ERI2: variants seen among roughly 807,000 people sequenced by gnomAD.
The protein encoded by ERI2 is ERI1 exoribonuclease 2.
ERI2 carries 35 observed loss-of-function variants against 46.8 expected under a neutral mutation model. The ratio of observed to expected loss-of-function variants is 0.75; its 90% CI spans 0.57 to 0.99. The LOEUF is 0.99. ERI2 is among the 50% of genes least tolerant of loss of function. The pLI is 0.00. For missense variants in ERI2, 695 were observed against 796.2 expected (o/e 0.87, Z 1.53); for synonymous variants, 224 against 271.0 (o/e 0.83, Z 1.70).
At chr16:20,787,715 A>C (rs943352926) in intron 10 of ERI2, among the ~76,000 whole-genome samples, 8 of 152,348 alleles carry the variant, frequency 5.3e-5, no homozygotes, top group African/African-American at 1.9e-4. Flanking sequence ...ACCTGGTCTC[A>C]AGATAGGATA....
In ERI2 at chr16:20,798,497, C is replaced by T. The variant is rs2080759936; in HGVS notation, c.1303G>A (p.Glu435Lys). The T allele has an allele frequency of 1.9e-6, 3 of 1,551,556 alleles. No individual in the cohort carries two copies. The highest frequency in any genetic ancestry group is 2.6e-6 in the Non-Finnish European group (3 of 1,146,872). ...CTTTCTCCAGAATTAAATGAAATCT[C>T]TAAGTCTGAGTCACTAATGGGAACT... Reference protein sequence around the residue: ...CTVPISDSDLEISFNSGERLM... With the variant: ...CTVPISDSDLKISFNSGERLM... The change falls in exon 9 of 9, where the codon GAG becomes AAG. Residue 435 changes from glutamate (E) to lysine (K), a missense_variant. Glu to Lys is a moderately conservative substitution (Grantham distance 56). Transcript: ENST00000357967.
rs373750780 is a variant in ERI2, at chr16:20,798,680, C to T, written c.1120G>A (p.Gly374Ser). The T allele has an allele frequency of 6.4e-7, 1 of 1,551,656 alleles. No individual in the cohort carries two copies. Among genetic ancestry groups the T allele is most frequent in the African/African-American group, 1.4e-5 (1 of 73,148 alleles). ...FNTKSKASTV[G>S]SELVLVSTTV... ...GTAGAAACAAGTACCAATTCTGAACCAACTGTTGAAGCCTTAGATTTGGTA... is the reference window on the plus strand; with the variant it reads ...GTAGAAACAAGTACCAATTCTGAACTAACTGTTGAAGCCTTAGATTTGGTA... Residue 374 changes from glycine to serine, a missense_variant, in exon 9 of 9, where the codon GGT becomes AGT. Gly to Ser is a moderately conservative substitution (Grantham distance 56, BLOSUM62 0). Coordinates refer to ENST00000357967, the MANE Select transcript of ERI2 (RefSeq NM_001142725.2).
intron 5 of ERI2, chr16:20,800,664 A>G: frequency 3.5e-6 from 1 of 287,744 alleles, no homozygotes; most frequent in Non-Finnish European, 6.4e-6. Flanking sequence ...AATTACAAGG[A>G]CTATATTTTC....
At chr16:20,784,208 A>G (rs1021312567) in intron 10 of ERI2, among the ~76,000 whole-genome samples, 1 of 152,204 alleles carries the variant, frequency 6.6e-6, no homozygotes, top group Admixed American at 6.5e-5. Context: ...GTTGTGCAAT[A>G]TGGTAGCCAC....
chr16:20,794,785 G>A (rs2080684520), downstream of ERI2, among the ~76,000 whole-genome samples: 1 of 152,158 alleles, frequency 6.6e-6, no homozygotes, highest in South Asian at 2.1e-4. Flanking sequence ...GGCACAAAGA[G>A]ATTACCTAAC....
At chr16:20,805,213 G>A (rs559678265) in intron 1 of ERI2, among the ~76,000 whole-genome samples, 1 of 152,192 alleles carries the variant, frequency 6.6e-6, no homozygotes, top group East Asian at 1.9e-4. Context: ...ATCACCTGAG[G>A]TCGGGAGTTC....
At chr16:20,786,334 A>G in intron 10 of ERI2, 2 of 1,308,456 alleles carry the variant, frequency 1.5e-6, no homozygotes, top group Non-Finnish European at 1.0e-6. Flanking sequence ...CTTGGTCTCC[A>G]TTATTTTGCA....
In ERI2 at chr16:20,796,566, A is replaced by C; in HGVS notation, c.*1158T>G. On this transcript the variant is annotated 3_prime_UTR_variant, in exon 9 of 9. Coordinates refer to ENST00000357967, the MANE Select transcript of ERI2 (RefSeq NM_001142725.2). ...AGTGTTTATTTTTACATTTTAATGA[A>C]TATTTTCTTCACACATGCTGCACCA... is the stretch of plus-strand genomic sequence containing the variant. The C allele has an allele frequency of 1.9e-6, 3 of 1,587,308 alleles. No homozygotes were observed. Among genetic ancestry groups the C allele is most frequent in the Non-Finnish European group, 1.7e-6 (2 of 1,173,278 alleles).
chr16:20,797,957 G>T lies in ERI2; in HGVS notation c.1843C>A (p.His615Asn). The change falls in exon 9 of 9, where the codon CAT becomes AAT. Residue 615 changes from histidine (H) to asparagine (N), a missense_variant. By Grantham distance (68) the His-to-Asn change is moderately conservative (BLOSUM62 1). Coordinates refer to ENST00000357967, the MANE Select transcript of ERI2 (RefSeq NM_001142725.2). Reference sequence around the variant, plus strand: ...GGGCAACAATAGAAGACTTTTCCATGGTTCGGTCCATTATTAGAAACAACA... The same window carrying T: ...GGGCAACAATAGAAGACTTTTCCATTGTTCGGTCCATTATTAGAAACAACA... ...RLVVSNNGPN[H>N]GKVFYCCPIG... 1.3e-6 allele frequency: 2 copies of T among 1,551,878 alleles called. No individual in the cohort carries two copies. The highest frequency in any genetic ancestry group is 8.7e-7 in the Non-Finnish European group (1 of 1,146,962).
In ERI2 at chr16:20,800,416, A is replaced by G. The variant is rs1014462725; in HGVS notation, c.461-14T>C. The G allele has an allele frequency of 1.3e-6, 2 of 1,516,390 alleles. No homozygotes were observed. The highest frequency in any genetic ancestry group is 1.4e-5 in the African/African-American group (1 of 72,496). The allele number at this position is 1,516,390 out of a possible 1,614,324, so 93.9% of individuals were successfully genotyped here. On this transcript the variant is annotated splice_polypyrimidine_tract_variant and intron_variant, in intron 5 of 8. Transcript: ENST00000357967. ...CCAAGTCCCAGTCTGCATTAGGTAC[A>G]TTAAAATAGAACAAAGTCAATGATG...
chr16:20,803,072 G>A (rs1050210737), intron 3 of ERI2, 149 bp from the exon 4 acceptor site: 2 of 795,218 alleles, frequency 2.5e-6, no homozygotes, highest in South Asian at 3.9e-5. Flanking sequence ...GTGACATAAA[G>A]GTTATAATAA....
At chr16:20,789,444 G>A (rs2080544852) in intron 10 of ERI2, 1 of 1,455,724 alleles carries the variant, frequency 6.9e-7, no homozygotes, top group Non-Finnish European at 9.6e-7. Flanking sequence ...GAGGATTGGA[G>A]AGAGGGTAAG....
rs561605227 is a variant in ERI2 at position 20,790,476 on chromosome 16, T to A, written c.815+374A>T. 9.2e-6 allele frequency: 10 copies of A among 1,092,516 alleles called. No individual in the cohort carries two copies. The Admixed American group carries it at 1.7e-4, about 19-fold the overall frequency. 67.7% of individuals were successfully genotyped at this position (1,092,516 alleles called of 1,614,324 possible). On this transcript the variant is annotated intron_variant, in intron 9 of 10. Coordinates refer to the ERI2 transcript ENST00000300005. This position sits in a 1 kb window ranked among gnomAD's most constrained non-coding sequence, Gnocchi z 4.0. The stretch of plus-strand genomic sequence containing the variant: ...TGTCTCACACACACAAAATTTTTTT[T>A]AAGTCTTCATTTTTAAATGGCAAAA...
At position 20,801,226 on chromosome 16, in the gene ERI2, A is replaced by C; in HGVS notation, c.437T>G (p.Leu146Ter). Residue 146 changes from leucine to a stop codon, truncating the protein, a stop_gained, in exon 5 of 9, where the codon TTA becomes TGA. Coordinates refer to ENST00000357967, the MANE Select transcript of ERI2 (RefSeq NM_001142725.2). LOFTEE classifies it high-confidence loss of function. ...ISEPSASEVK[L>*]CAFVTWSDWD... ...ACCTGACCAAGTAACAAATGCACATAATTTTACTTCAGAAGCAGAAGGCTC... is the reference window on the plus strand; with the variant it reads ...ACCTGACCAAGTAACAAATGCACATCATTTTACTTCAGAAGCAGAAGGCTC... 1 of 1,611,694 alleles carries C rather than the reference A, an allele frequency of 6.2e-7. No individual in the cohort carries two copies. The highest frequency in any genetic ancestry group is 8.5e-7 in the Non-Finnish European group (1 of 1,179,150).
At chr16:20,795,409 T>A (rs1364030319), downstream of ERI2, among the ~76,000 whole-genome samples, 7 of 152,178 alleles carry the variant, frequency 4.6e-5, no homozygotes, top group Non-Finnish European at 7.3e-5. Context: ...TGTGAAAAAA[T>A]TATAACTTCA....
chr16:20,785,069 G>A (rs950479891), intron 10 of ERI2: 7 of 1,613,490 alleles, frequency 4.3e-6, no homozygotes, highest in Admixed American at 1.7e-5. Flanking sequence ...AAACAAGACG[G>A]GCCTGGATAT....
chr16:20,791,700 G>A (rs1490836788), downstream of ERI2, among the ~76,000 whole-genome samples: 2 of 152,190 alleles, frequency 1.3e-5, no homozygotes, highest in African/African-American at 4.8e-5. Flanking sequence ...GCCAAGGTGG[G>A]CGGATCACTT....
At chr16:20,799,410 T>G (rs2080772161) in intron 7 of ERI2, 59 bp from the exon 8 acceptor site, 1 of 1,470,018 alleles carries the variant, frequency 6.8e-7, no homozygotes, top group Non-Finnish European at 9.3e-7. Context: ...TCCTTAGTAC[T>G]AAAGAAATAA....
chr16:20,797,269 A>G lies in ERI2; in HGVS notation c.*455T>C, dbSNP rs56186329. 4,918 of 1,063,284 alleles carry G rather than the reference A, an allele frequency of 4.6e-3. 13 individuals are homozygous for G. The highest frequency in any genetic ancestry group is 5.1e-3 in the Non-Finnish European group (4,545 of 883,686). 65.9% of individuals were successfully genotyped at this position (1,063,284 alleles called of 1,614,324 possible). On this transcript the variant is annotated 3_prime_UTR_variant, in exon 9 of 9. Transcript: ENST00000357967. ...AGTTTCTGAACCAGATCTCTGCTAC[A>G]TAGGTTTTCAAACTTTAGTTGACTA...
Sources: allele counts gnomAD v4.1 joint callset (sites outside exome capture counted in the v4.1 genomes callset), GRCh38; gene constraint gnomAD v4.1.1; non-coding constraint Gnocchi (gnomAD v3.1); transcripts MANE v1.5; gene names NCBI Gene and HGNC (gene_info 2026-07-23, HGNC 2026-07-21).